Variants in INPP4A observed in about 807,000 individuals in gnomAD.
INPP4A encodes the protein inositol polyphosphate-4-phosphatase type I A.
In INPP4A, 33 loss-of-function variants were observed where a neutral mutation model predicts 119.8. The observed-to-expected ratio is 0.28, with a 90% CI of 0.21 to 0.37. The LOEUF (loss-of-function observed/expected upper bound fraction) is 0.37, where lower values mean the gene tolerates loss of function less well. Among genes scored for constraint, INPP4A ranks in the 10% least tolerant of loss-of-function variants. INPP4A has a pLI of 1.00. For missense variants in INPP4A, 956 were observed against 1,289.9 expected, an observed-to-expected ratio of 0.74 and a Z score of 3.97; for synonymous variants, 496 against 500.7, an observed-to-expected ratio of 0.99 and a Z score of 0.12.
At chr2:98,523,379 T>G (rs1308627318) in intron 4 of INPP4A, among the ~76,000 whole-genome samples, 1 of 151,678 alleles carries the variant, frequency 6.6e-6, no homozygotes, top group African/African-American at 2.4e-5. Context: ...TTTTTTGTTT[T>G]GTTTTTGTTT....
At chr2:98,498,287 G>A (rs543367061) in intron 1 of INPP4A, among the ~76,000 whole-genome samples, 8 of 152,112 alleles carry the variant, frequency 5.3e-5, no homozygotes, top group Middle Eastern at 3.4e-3. Flanking sequence ...ATGATAGTAA[G>A]TCTCATGAGA....
intron 1 of INPP4A, among the ~76,000 whole-genome samples, chr2:98,515,196 A>C (rs1291296035): frequency 6.6e-6 from 1 of 152,186 alleles, no homozygotes; most frequent in Non-Finnish European, 1.5e-5. Context: ...GAATGGTGTG[A>C]CACCTCACTG....
intron 1 of INPP4A, among the ~76,000 whole-genome samples, chr2:98,467,011 G>A (rs1326277174): frequency 1.3e-5 from 2 of 152,194 alleles, no homozygotes; most frequent in Admixed American, 1.3e-4. Context: ...TCTGATGGCT[G>A]GAAGGTTCAA....
At position 98,589,113 on chromosome 2, in the gene INPP4A, C is replaced by T. The variant is rs565424927; in HGVS notation, c.*1505C>T. 1.1e-5 allele frequency: 2 copies of T among 179,444 alleles called. No individual in the cohort carries two copies. The highest frequency in any genetic ancestry group is 2.4e-5 in the African/African-American group (1 of 42,498). 11.1% of individuals were successfully genotyped at this position (179,444 alleles called of 1,614,324 possible). The stretch of plus-strand genomic sequence containing the variant: ...CATGCAAGCAGCGCCTGCTGTCTCC[C>T]GATGCCTGCAGGGAGGAAAATGTCT... On this transcript the variant is annotated 3_prime_UTR_variant, in exon 25 of 25. Transcript: ENST00000409851.
chr2:98,476,026 G>A (rs1193208078), intron 1 of INPP4A, among the ~76,000 whole-genome samples: 1 of 152,100 alleles, frequency 6.6e-6, no homozygotes, highest in Non-Finnish European at 1.5e-5. Flanking sequence ...AAATAGCTTT[G>A]TGGTAACAAG....
intron 1 of INPP4A, among the ~76,000 whole-genome samples, chr2:98,496,885 T>C (rs1682085469): frequency 6.6e-6 from 1 of 152,232 alleles, no homozygotes. Context: ...TACTGCTATC[T>C]GCTTTATGAC....
intron 4 of INPP4A, among the ~76,000 whole-genome samples, chr2:98,528,860 A>G (rs749366651): frequency 1.3e-5 from 2 of 151,900 alleles, no homozygotes; most frequent in Non-Finnish European, 2.9e-5. Flanking sequence ...GGCAGATCAC[A>G]AGGTCAGGAG....
At chr2:98,463,169 A>G (rs1302393060) in intron 1 of INPP4A, among the ~76,000 whole-genome samples, 2 of 152,218 alleles carry the variant, frequency 1.3e-5, no homozygotes, top group African/African-American at 4.8e-5. Context: ...AACCTGTAGC[A>G]TCCTGAGTGA....
intron 20 of INPP4A, 39 bp downstream of exon 20, chr2:98,565,805 G>A: frequency 6.3e-7 from 1 of 1,594,870 alleles, no homozygotes; most frequent in Non-Finnish European, 8.5e-7. Context: ...CCAGAGAGCG[G>A]TTTTCATTTT....
At chr2:98,521,665 C>G (rs1225268358) in intron 4 of INPP4A, 1 of 152,256 alleles carries the variant, frequency 6.6e-6, no homozygotes, top group Admixed American at 6.5e-5. Context: ...GGTACAGTAG[C>G]TCACACCTGT....
chr2:98,459,340 AG>A (rs1191030572), intron 1 of INPP4A, among the ~76,000 whole-genome samples: 1 of 152,158 alleles, frequency 6.6e-6, no homozygotes, highest in African/African-American at 2.4e-5. Context: ...ATTAGGAGGA[AG>A]GGGGTCGCTG....
intron 4 of INPP4A, among the ~76,000 whole-genome samples, chr2:98,523,633 A>T (rs939720725): frequency 6.6e-6 from 1 of 152,108 alleles, no homozygotes; most frequent in Non-Finnish European, 1.5e-5. Flanking sequence ...TGACCTCGTG[A>T]TCTGCCCGCC....
intron 13 of INPP4A, among the ~76,000 whole-genome samples, chr2:98,550,484 T>G (rs1693305697): frequency 6.6e-6 from 1 of 152,184 alleles, no homozygotes. Context: ...TACGCTCTCA[T>G]GGCATCTTCA....
intron 13 of INPP4A, among the ~76,000 whole-genome samples, chr2:98,550,912 A>G (rs996928444): frequency 4.6e-5 from 7 of 151,542 alleles, no homozygotes; most frequent in African/African-American, 1.5e-4. Flanking sequence ...AGCACATTTT[A>G]TATATGTACT....
intron 13 of INPP4A, among the ~76,000 whole-genome samples, chr2:98,547,889 A>G (rs1252784701): frequency 6.6e-6 from 1 of 152,252 alleles, no homozygotes; most frequent in East Asian, 1.9e-4. Context: ...GCAAGCAAGC[A>G]TGGAACAGCG....
chr2:98,575,471 A>G (rs778558267), intron 23 of INPP4A, among the ~76,000 whole-genome samples: 2 of 152,216 alleles, frequency 1.3e-5, no homozygotes, highest in Non-Finnish European at 2.9e-5. Context: ...TTACAACTTT[A>G]CAAATTTGAT....
At chr2:98,451,519 C>T (rs1224487468) in intron 1 of INPP4A, among the ~76,000 whole-genome samples, 3 of 152,124 alleles carry the variant, frequency 2.0e-5, no homozygotes, top group East Asian at 3.9e-4. Flanking sequence ...CCCTGAGACA[C>T]CTGGTAGTTT....
intron 7 of INPP4A, among the ~76,000 whole-genome samples, chr2:98,537,451 G>T (rs1362909842): frequency 6.6e-6 from 1 of 152,208 alleles, no homozygotes; most frequent in Non-Finnish European, 1.5e-5. Flanking sequence ...GCCTCAAGGT[G>T]GGGTGGGAAG....
intron 1 of INPP4A, among the ~76,000 whole-genome samples, chr2:98,449,598 A>G (rs1300700290): frequency 6.6e-6 from 1 of 152,160 alleles, no homozygotes; most frequent in African/African-American, 2.4e-5. Context: ...CATTTCTCCA[A>G]AGAGTCCTGG....
Sources: allele counts gnomAD v4.1 joint callset (sites outside exome capture counted in the v4.1 genomes callset), GRCh38; gene constraint gnomAD v4.1.1; transcripts MANE v1.5; gene names NCBI Gene and HGNC (gene_info 2026-07-23, HGNC 2026-07-21).